The following PIK3CA variants were observed in gnomAD, a reference collection of about 807,000 sequenced individuals.
PIK3CA encodes the protein phosphatidylinositol 4,5-bisphosphate 3-kinase catalytic subunit alpha isoform.
PIK3CA carries 27 observed loss-of-function variants against 138.2 expected under a neutral mutation model. The observed-to-expected ratio is 0.20, with a 90% CI of 0.14 to 0.27. The LOEUF (loss-of-function observed/expected upper bound fraction) is 0.27. PIK3CA is among the 10% of genes least tolerant of loss of function. The pLI is 1.00. For synonymous variants in PIK3CA, 358 were observed against 413.2 expected, an observed-to-expected ratio of 0.87 and a Z score of 1.62; for missense variants, 544 against 1,277.4, an observed-to-expected ratio of 0.43 and a Z score of 8.75.
intron 1 of PIK3CA, among the ~76,000 whole-genome samples, chr3:179,193,068 C>T (rs1365736487): frequency 6.6e-6 from 1 of 152,240 alleles, no homozygotes; most frequent in Non-Finnish European, 1.5e-5. Context: ...GGCGTCGTTA[C>T]TTCTGCTGGG....
At chr3:179,206,723 T>C (rs1278777455) in intron 6 of PIK3CA, among the ~76,000 whole-genome samples, 2 of 152,104 alleles carry the variant, frequency 1.3e-5, no homozygotes, top group Non-Finnish European at 2.9e-5. Flanking sequence ...GAGACCACCC[T>C]GGGCTATATG....
In PIK3CA at chr3:179,220,332, A is replaced by G. The variant is rs1724936807; in HGVS notation, c.2015+280A>G. ...TCAAATTTTCTAGGTCCAGATGAATATTGCTGTAGGTTTCACTGTGTGTAT... is the reference window on the plus strand; with the variant it reads ...TCAAATTTTCTAGGTCCAGATGAATGTTGCTGTAGGTTTCACTGTGTGTAT... On this transcript the variant is annotated intron_variant, in intron 13 of 20. Transcript: ENST00000263967. This position sits in a 1 kb window ranked among gnomAD's most constrained non-coding sequence, Gnocchi z 4.1. Among the ~76,000 whole-genome samples, 1 of 152,148 alleles carries G rather than the reference A, an allele frequency of 6.6e-6. No homozygotes were observed. The highest frequency in any genetic ancestry group is 2.4e-5 in the African/African-American group (1 of 41,448).
chr3:179,189,410 G>A (rs552838774), intron 1 of PIK3CA, among the ~76,000 whole-genome samples: 92 of 151,930 alleles, frequency 6.1e-4, no homozygotes, highest in Non-Finnish European at 1.2e-3. Flanking sequence ...TAAAGTTCAT[G>A]CTTTATCTAA....
chr3:179,176,344 T>C (rs1723697649), intron 1 of PIK3CA, among the ~76,000 whole-genome samples: 1 of 152,216 alleles, frequency 6.6e-6, no homozygotes, highest in Non-Finnish European at 1.5e-5. Context: ...TTCATGAGAA[T>C]TGACTGGCTT....
intron 9 of PIK3CA, 130 bp from the exon 10 acceptor site, chr3:179,218,080 A>G (rs1468983761): frequency 1.2e-6 from 1 of 824,136 alleles, no homozygotes; most frequent in African/African-American, 1.8e-5. Context: ...AAAATAAATT[A>G]TTTTACAACA....
At chr3:179,207,422 G>T (rs888733714) in intron 6 of PIK3CA, among the ~76,000 whole-genome samples, 153 of 152,290 alleles carry the variant, frequency 1.0e-3, no homozygotes, top group African/African-American at 3.3e-3. Context: ...GGCTGAACAA[G>T]TAGATTTGTA....
intron 3 of PIK3CA, among the ~76,000 whole-genome samples, chr3:179,200,794 TAAAAGG>T (rs1020383417): frequency 2.6e-5 from 4 of 152,194 alleles, no homozygotes; most frequent in African/African-American, 9.6e-5. Context: ...GGCTTAATCT[TAAAAGG>T]AGAAAATTAG....
In PIK3CA at chr3:179,198,811, C is replaced by G. The variant is rs1724332123; in HGVS notation, c.-15C>G. On this transcript the variant is annotated 5_prime_UTR_variant, in exon 2 of 21. Coordinates refer to ENST00000263967, the MANE Select transcript of PIK3CA (RefSeq NM_006218.4). ...AAAGTAGTTTTATATGTAAAACTTG[C>G]AAAGAATCAGAACAATGCCTCCACG... 3 of 1,438,316 alleles carry G rather than the reference C, an allele frequency of 2.1e-6. No homozygotes were observed. The highest frequency in any genetic ancestry group is 2.8e-6 in the Non-Finnish European group (3 of 1,072,704). 89.1% of individuals were successfully genotyped at this position (1,438,316 alleles called of 1,614,324 possible). A position where few individuals can be genotyped will look rare whatever the true frequency, so the allele number is the denominator to read the frequency against.
At position 179,224,695 on chromosome 3, in the gene PIK3CA, TA is replaced by T; in HGVS notation, c.2295-2del. ...TACCTAGTAAAGTTTTTAACTATTTTAAAGGCTTGAAGAGTGTCGAATTATG... is the reference window on the plus strand; with the variant it reads ...TACCTAGTAAAGTTTTTAACTATTTTAAGGCTTGAAGAGTGTCGAATTATG... On this transcript the variant is annotated splice_polypyrimidine_tract_variant and splice_region_variant and intron_variant, in intron 15 of 20. Transcript: ENST00000263967. 6.3e-7 allele frequency: 1 copy of T among 1,579,636 alleles called. No homozygotes were observed. The highest frequency in any genetic ancestry group is 8.6e-7 in the Non-Finnish European group (1 of 1,159,588).
chr3:179,155,151 C>A (rs1232228555), intron 1 of PIK3CA, among the ~76,000 whole-genome samples: 1 of 152,024 alleles, frequency 6.6e-6, no homozygotes, highest in Non-Finnish European at 1.5e-5. Flanking sequence ...ACGAATATGT[C>A]TTATAAGTAC....
chr3:179,224,843 C>G lies in PIK3CA; in HGVS notation c.2416+22C>G, dbSNP rs772424441. 2.6e-6 allele frequency: 4 copies of G among 1,545,516 alleles called. No individual in the cohort carries two copies. The African/African-American group carries it at 4.1e-5, about 16-fold the overall frequency. ...GATGGTAAGGAAGAGTATTAATGAGCTTATGATGCATGAATTTAGCTATCT... is the reference window on the plus strand; with the variant it reads ...GATGGTAAGGAAGAGTATTAATGAGGTTATGATGCATGAATTTAGCTATCT... On this transcript the variant is annotated intron_variant, in intron 16 of 20. Transcript: ENST00000263967.
chr3:179,221,048 G>A lies in PIK3CA; in HGVS notation c.2078G>A (p.Arg693His), dbSNP rs1336500564. The change falls in exon 14 of 21, where the codon CGT becomes CAT. Residue 693 changes from arginine (R) to histidine (H), a missense_variant. Physicochemically the swap from Arg to His is conservative, Grantham distance 29. Around this residue, in one of 14 missense-constraint regions of PIK3CA, gnomAD observed 22 missense variants for 107.9 expected, o/e 0.20. Transcript: ENST00000263967. ...RFGLLLESYC[R>H]ACGMYLKHLN... is the part of the protein sequence containing the mutation. ...GGCCTGCTTTTGGAGTCCTATTGTC[G>A]TGCATGTGGGATGTATTTGAAGCAC... is the stretch of plus-strand genomic sequence containing the variant. 1.2e-6 allele frequency: 2 copies of A among 1,612,738 alleles called. No individual in the cohort carries two copies. Among genetic ancestry groups the A allele is most frequent in the Non-Finnish European group, 8.5e-7 (1 of 1,179,006 alleles).
chr3:179,194,376 A>C (rs1172807793), intron 1 of PIK3CA, among the ~76,000 whole-genome samples: 3 of 152,132 alleles, frequency 2.0e-5, no homozygotes, highest in Admixed American at 6.5e-5. Flanking sequence ...GGCATGTGCC[A>C]CCACACCTAG....
At position 179,236,935 on chromosome 3, in the gene PIK3CA, T is replaced by A. The variant is rs1725344572; in HGVS notation, c.*2571T>A. 4.9e-6 allele frequency: 1 copy of A among 203,432 alleles called. No individual in the cohort carries two copies. Among genetic ancestry groups the A allele is most frequent in the Admixed American group, 6.0e-5 (1 of 16,698 alleles). The allele number at this position is 203,432 out of a possible 1,614,324, so 12.6% of individuals were successfully genotyped here. A position where few individuals can be genotyped will look rare whatever the true frequency, so the allele number is the denominator to read the frequency against. On this transcript the variant is annotated 3_prime_UTR_variant, in exon 21 of 21. Coordinates refer to ENST00000263967, the MANE Select transcript of PIK3CA (RefSeq NM_006218.4). ...TCTCGTGGTTTAGACAGTTCCTATC[T>A]ATAGCTGACTATCCTTGTCCTTGAA...
chr3:179,190,436 G>A (rs1199997068), intron 1 of PIK3CA, among the ~76,000 whole-genome samples: 4 of 148,040 alleles, frequency 2.7e-5, no homozygotes, highest in Non-Finnish European at 5.9e-5. Context: ...ACATATAAAA[G>A]GCTGTGGTAA....
chr3:179,168,888 G>C (rs534062192), intron 1 of PIK3CA, among the ~76,000 whole-genome samples: 33 of 151,452 alleles, frequency 2.2e-4, no homozygotes, highest in Non-Finnish European at 4.1e-4. Flanking sequence ...AACACATTCT[G>C]TGTCTATTTT....
At chr3:179,174,025 G>T (rs941447169) in intron 1 of PIK3CA, among the ~76,000 whole-genome samples, 1 of 152,070 alleles carries the variant, frequency 6.6e-6, no homozygotes, top group Non-Finnish European at 1.5e-5. Context: ...ATTGCGCCCG[G>T]CCCGGAAGTG....
chr3:179,177,898 A>T (rs1303290589), intron 1 of PIK3CA, among the ~76,000 whole-genome samples: 1 of 152,002 alleles, frequency 6.6e-6, no homozygotes, highest in Non-Finnish European at 1.5e-5. Flanking sequence ...AAAAAACAGA[A>T]ATTCCCAGCA....
chr3:179,224,057 TG>T, intron 14 of PIK3CA, 23 bp from the exon 15 acceptor site: 1 of 1,303,078 alleles, frequency 7.7e-7, no homozygotes, highest in Non-Finnish European at 1.1e-6. Context: ...TTTCTTACTG[TG>T]ACTATCCTTT....
Sources: allele counts gnomAD v4.1 joint callset (sites outside exome capture counted in the v4.1 genomes callset), GRCh38; gene constraint gnomAD v4.1.1; regional missense constraint gnomAD v4.1.1; non-coding constraint Gnocchi (gnomAD v3.1); transcripts MANE v1.5; gene names NCBI Gene and HGNC (gene_info 2026-07-23, HGNC 2026-07-21).